Variants in SVEP1 observed in about 807,000 individuals in gnomAD.
The protein encoded by SVEP1 is sushi, von Willebrand factor type A, EGF and pentraxin domain containing 1.
A neutral mutation model predicts 367.3 loss-of-function variants in SVEP1; 164 were observed. The ratio of observed to expected loss-of-function variants is 0.45; its 90% CI spans 0.39 to 0.51. The LOEUF (loss-of-function observed/expected upper bound fraction) is 0.51, where lower values mean the gene tolerates loss of function less well. Ranked by LOEUF, SVEP1 falls within the 20% of genes least tolerant of loss-of-function variation. The probability of loss-of-function intolerance (pLI) is 0.00; values close to 1 mark genes in which losing one functional copy is unlikely to be tolerated. For missense variants in SVEP1, 4,117 were observed against 4,425.3 expected (o/e 0.93, Z 1.98); for synonymous variants, 1,666 against 1,611.6 (o/e 1.03, Z -0.81).
chr9:110,368,165 T>C (rs1827226138), intron 47 of SVEP1, among the ~76,000 whole-genome samples: 1 of 152,110 alleles, frequency 6.6e-6, no homozygotes, highest in African/African-American at 2.4e-5. Context: ...GAGGAGACCC[T>C]GGAAGAGGTG....
intron 42 of SVEP1, among the ~76,000 whole-genome samples, chr9:110,386,362 A>G (rs1394153813): frequency 6.6e-6 from 1 of 152,206 alleles, no homozygotes; most frequent in African/African-American, 2.4e-5. Context: ...GGGCCACAAC[A>G]TTATTTTAGA....
intron 1 of SVEP1, among the ~76,000 whole-genome samples, chr9:110,556,207 G>C (rs1309169934): frequency 1.3e-5 from 2 of 152,044 alleles, no homozygotes; most frequent in Non-Finnish European, 2.9e-5. Flanking sequence ...AAAAATGCAG[G>C]GTTGTGTAAT....
At chr9:110,560,453 T>G (rs1830412613) in intron 1 of SVEP1, among the ~76,000 whole-genome samples, 1 of 152,218 alleles carries the variant, frequency 6.6e-6, no homozygotes, top group Admixed American at 6.5e-5. Flanking sequence ...TATAGTTTGT[T>G]GTTGTTTGCC....
chr9:110,473,934 T>C (rs1453248331), intron 14 of SVEP1, among the ~76,000 whole-genome samples: 1 of 152,214 alleles, frequency 6.6e-6, no homozygotes, highest in East Asian at 1.9e-4. Flanking sequence ...TCCCCTACAT[T>C]CTTGCCAACT....
chr9:110,448,152 C>T (rs7028814), intron 24 of SVEP1, among the ~76,000 whole-genome samples: 63,631 of 138,808 alleles, frequency 0.46, 13,470 homozygotes, highest in East Asian at 0.57. Context: ...TGTGTGTGCG[C>T]GTGTGTGTGT....
At chr9:110,385,815 G>A in intron 43 of SVEP1, 83 bp downstream of exon 43, 1 of 1,446,298 alleles carries the variant, frequency 6.9e-7, no homozygotes, top group South Asian at 1.4e-5. Context: ...CTACAACTAA[G>A]TGACTTGATT....
intron 3 of SVEP1, among the ~76,000 whole-genome samples, chr9:110,522,619 C>T (rs577385246): frequency 2.0e-5 from 3 of 152,282 alleles, no homozygotes; most frequent in African/African-American, 7.2e-5. Flanking sequence ...AGAGAATCGG[C>T]ATATGTCAGC....
intron 46 of SVEP1, 145 bp from the exon 47 acceptor site, chr9:110,370,161 C>T (rs950024336): frequency 1.4e-6 from 1 of 711,318 alleles, no homozygotes; most frequent in African/African-American, 1.8e-5. Context: ...TCCATTTCTG[C>T]TGTTCTGCTT....
In SVEP1 at chr9:110,390,263, G is replaced by A. The variant is rs1479206486; in HGVS notation, c.9823-676C>T. ...TGTGTATATATACTTATATAAGTATGTATATATATACTTATATATATACAT... is the reference window on the plus strand; with the variant it reads ...TGTGTATATATACTTATATAAGTATATATATATATACTTATATATATACAT... On this transcript the variant is annotated intron_variant, in intron 40 of 47. Transcript: ENST00000374469. Among the ~76,000 whole-genome samples the A allele has an allele frequency of 4.5e-4, 27 of 60,158 alleles. 3 individuals are homozygous for A. The highest frequency in any genetic ancestry group is 7.9e-4 in the Non-Finnish European group (23 of 29,124). 39.5% of individuals were successfully genotyped at this position (60,158 alleles called of 152,430 possible). A position where few individuals can be genotyped will look rare whatever the true frequency, so the allele number is the denominator to read the frequency against.
intron 18 of SVEP1, among the ~76,000 whole-genome samples, chr9:110,465,273 C>T (rs1828917015): frequency 6.6e-6 from 1 of 151,078 alleles, no homozygotes. Context: ...CTAATCACTT[C>T]AAATAATCAC....
At chr9:110,409,702 TAAG>T (rs981037172) in intron 37 of SVEP1, among the ~76,000 whole-genome samples, 1 of 152,204 alleles carries the variant, frequency 6.6e-6, no homozygotes, top group African/African-American at 2.4e-5. Flanking sequence ...GGGTATGTCT[TAAG>T]AATACTATCA....
In SVEP1 at chr9:110,542,419, C is replaced by T. The variant is rs555088202; in HGVS notation, c.964+3696G>A. ...TTCCTTCTGAAAGGCATTGTTTCTGCAGTGAGGATAAATACTCAGAATTCC... is the reference window on the plus strand; with the variant it reads ...TTCCTTCTGAAAGGCATTGTTTCTGTAGTGAGGATAAATACTCAGAATTCC... On this transcript the variant is annotated intron_variant, in intron 3 of 47. Coordinates refer to ENST00000374469, the MANE Select transcript of SVEP1 (RefSeq NM_153366.4). Among the ~76,000 whole-genome samples, 5 of 152,148 alleles carry T rather than the reference C, an allele frequency of 3.3e-5. No homozygotes were observed. The East Asian group carries it at 7.7e-4, about 24-fold the overall frequency.
rs75540321 is a variant in SVEP1 at position 110,546,448 on chromosome 9, T to C, written c.788-157A>G. Among the ~76,000 whole-genome samples, 694 of 152,364 alleles carry C rather than the reference T, an allele frequency of 4.6e-3. 5 individuals are homozygous for C. The highest frequency in any genetic ancestry group is 0.015 in the African/African-American group (644 of 41,586). ...GCTCCCACCCAAATACGAATGTGTG[T>C]TATTTGTACTAGCGCGCTCTGGGAA... On this transcript the variant is annotated intron_variant, in intron 2 of 47. Transcript: ENST00000374469.
rs762933071 is a variant in SVEP1 at position 110,457,249 on chromosome 9, TA to T, written c.3673+6del. ...TATTAAAATCTACATTCCTCTTGGT[TA>T]TTTACCTGTATATCCAAGTGGACAG... On this transcript the variant is annotated splice_donor_region_variant and intron_variant, in intron 21 of 47. Transcript: ENST00000374469. 1 of 1,584,632 alleles carries T rather than the reference TA, an allele frequency of 6.3e-7. No individual in the cohort carries two copies. The highest frequency in any genetic ancestry group is 2.2e-5 in the East Asian group (1 of 44,622).
chr9:110,407,694 G>A lies in SVEP1; in HGVS notation c.7906C>T (p.Gln2636Ter). The A allele has an allele frequency of 6.2e-7, 1 of 1,613,980 alleles. No homozygotes were observed. Among genetic ancestry groups the A allele is most frequent in the East Asian group, 2.2e-5 (1 of 44,884 alleles). Residue 2636 changes from glutamine (Q) to a stop codon, truncating the protein, a stop_gained, in exon 38 of 48, where the codon CAA (glutamine) becomes TAA (stop). Transcript: ENST00000374469. LOFTEE classifies it high-confidence loss of function. ...GGAACTTCCATCATGTCGTCTTCTT[G>A]CTCAAAATATCCCTGGTCATCTTTG... Reference protein sequence around the residue: ...KLKDDQGYFEQEDDMMEVPYV... With the variant: ...KLKDDQGYFE
At chr9:110,466,442 C>T (rs533100761) in intron 17 of SVEP1, among the ~76,000 whole-genome samples, 2 of 152,244 alleles carry the variant, frequency 1.3e-5, no homozygotes, top group South Asian at 4.2e-4. Flanking sequence ...GCCTTATAAA[C>T]TACTCTGAAA....
chr9:110,517,095 G>A (rs917482152), intron 3 of SVEP1, among the ~76,000 whole-genome samples: 3 of 152,180 alleles, frequency 2.0e-5, no homozygotes, highest in Non-Finnish European at 2.9e-5. Context: ...TTTATTATGT[G>A]GGCAAGCTAT....
chr9:110,423,155 T>G (rs796354280), intron 36 of SVEP1, among the ~76,000 whole-genome samples: 4 of 56,516 alleles, frequency 7.1e-5, no homozygotes, highest in South Asian at 9.1e-4. Flanking sequence ...AATAAAAAAA[T>G]AAAAAAATAA....
intron 40 of SVEP1, among the ~76,000 whole-genome samples, chr9:110,394,132 A>T (rs1827718100): frequency 6.6e-6 from 1 of 152,004 alleles, no homozygotes; most frequent in African/African-American, 2.4e-5. Context: ...GACACCTCAC[A>T]TGGCCGGGTA....
Sources: allele counts gnomAD v4.1 joint callset (sites outside exome capture counted in the v4.1 genomes callset), GRCh38; gene constraint gnomAD v4.1.1; transcripts MANE v1.5; gene names NCBI Gene and HGNC (gene_info 2026-07-23, HGNC 2026-07-21).